ALG6: variants seen among roughly 807,000 people sequenced by gnomAD.
ALG6 encodes ALG6 alpha-1,3-glucosyltransferase, also known as dolichyl pyrophosphate Man9GlcNAc2 alpha-1,3-glucosyltransferase.
Under a neutral mutation model 66.6 loss-of-function variants are expected in ALG6, and 46 were observed. That is an observed-to-expected ratio of 0.69 (90% CI 0.55 to 0.88). The LOEUF (loss-of-function observed/expected upper bound fraction) is 0.88. Among genes scored for constraint, ALG6 ranks in the 40% least tolerant of loss-of-function variants. The pLI is 0.00. For missense variants in ALG6, 505 were observed against 586.8 expected (o/e 0.86, Z 1.44); for synonymous variants, 185 against 203.7 (o/e 0.91, Z 0.78).
At position 63,367,707 on chromosome 1, in the gene ALG6, G is replaced by C. The variant is rs1387762960; in HGVS notation, c.-208+20G>C. 1 of 152,236 alleles carries C rather than the reference G, an allele frequency of 6.6e-6. No individual in the cohort carries two copies. Among genetic ancestry groups the C allele is most frequent in the Non-Finnish European group, 1.5e-5 (1 of 68,082 alleles). The allele number at this position is 152,236 out of a possible 1,614,324, so 9.4% of individuals were successfully genotyped here. A position where few individuals can be genotyped will look rare whatever the true frequency, so the allele number is the denominator to read the frequency against. On this transcript the variant is annotated intron_variant, in intron 1 of 14. Coordinates refer to ENST00000263440, the MANE Select transcript of ALG6 (RefSeq NM_013339.4). Reference sequence around the variant, plus strand: ...GGCGGGGTAAGAGCATGGGATCCCGGAGGTTCCGGACCCCAGGCCAGTGTG... The same window carrying C: ...GGCGGGGTAAGAGCATGGGATCCCGCAGGTTCCGGACCCCAGGCCAGTGTG...
intron 3 of ALG6, among the ~76,000 whole-genome samples, chr1:63,399,191 T>C (rs1644431033): frequency 6.6e-6 from 1 of 152,234 alleles, no homozygotes; most frequent in South Asian, 2.1e-4. Flanking sequence ...TTTGTTGCTA[T>C]GTGGCTTCTC....
At chr1:63,371,327 T>C (rs1647918473) in intron 2 of ALG6, 2 of 423,956 alleles carry the variant, frequency 4.7e-6, no homozygotes, top group South Asian at 4.6e-5. Context: ...TATTAAACAT[T>C]GAAGAGGAAA....
At chr1:63,414,663 T>C (rs976214499) in intron 10 of ALG6, among the ~76,000 whole-genome samples, 20 of 152,234 alleles carry the variant, frequency 1.3e-4, no homozygotes, top group Non-Finnish European at 7.3e-5. Context: ...CCTTGTTCTC[T>C]CCTTGAACAG....
rs950061939 is a variant in ALG6, at chr1:63,438,234, C to G, written c.*1214C>G. 2.0e-5 allele frequency: 3 copies of G among 152,070 alleles called. 1 individual carries two copies. Among genetic ancestry groups the G allele is most frequent in the Non-Finnish European group, 4.4e-5 (3 of 68,018 alleles). The allele number at this position is 152,070 out of a possible 1,614,324, so 9.4% of individuals were successfully genotyped here. A position where few individuals can be genotyped will look rare whatever the true frequency, so the allele number is the denominator to read the frequency against. On this transcript the variant is annotated 3_prime_UTR_variant, in exon 15 of 15. Transcript: ENST00000263440. ...AAGTGGGTTTAGACAAAGCAAAAAT[C>G]TAGAAAGGTTTCTTTCTCAAAGCAA... is the stretch of plus-strand genomic sequence containing the variant.
Position 63,422,273 on chromosome 1 carries a change from A to C in ALG6, c.1058+2833A>C, listed in dbSNP as rs567013078. ...TATATATTTATATAGATATAAATAT[A>C]TATATAAATATATATATTTATATAG... On this transcript the variant is annotated intron_variant, in intron 12 of 14. Transcript: ENST00000263440. 1.4e-3 allele frequency among the ~76,000 whole-genome samples: 75 copies of C among 55,370 alleles called. 2 individuals carry two copies. Among genetic ancestry groups the C allele is most frequent in the Non-Finnish European group, 1.9e-3 (66 of 34,086 alleles). The allele number at this position is 55,370 out of a possible 152,430, so 36.3% of individuals were successfully genotyped here.
intron 12 of ALG6, among the ~76,000 whole-genome samples, chr1:63,420,836 G>C (rs911556702): frequency 1.3e-5 from 2 of 150,758 alleles, no homozygotes; most frequent in Non-Finnish European, 1.5e-5. Flanking sequence ...ACTCCAGCCT[G>C]GGCGACAGAC....
intron 2 of ALG6, among the ~76,000 whole-genome samples, chr1:63,384,387 G>C (rs191599730): frequency 1.8e-4 from 28 of 151,894 alleles, no homozygotes; most frequent in Admixed American, 1.8e-3. Context: ...ATATATTCTG[G>C]TTGTTAATCC....
chr1:63,434,502 G>A (rs1399728738), intron 14 of ALG6, among the ~76,000 whole-genome samples: 1 of 152,170 alleles, frequency 6.6e-6, no homozygotes, highest in Non-Finnish European at 1.5e-5. Context: ...GAAGTACCTG[G>A]ATATATGAGT....
rs1647915385 is a variant in ALG6, at chr1:63,371,209, C to G, written c.82+150C>G. 4.8e-6 allele frequency: 3 copies of G among 631,030 alleles called. No individual in the cohort carries two copies. The Admixed American group carries it at 8.2e-5, about 17-fold the overall frequency. The allele number at this position is 631,030 out of a possible 1,614,324, so 39.1% of individuals were successfully genotyped here. On this transcript the variant is annotated intron_variant, in intron 2 of 14. Transcript: ENST00000263440. ...AGAAAATACATTTAAATGTCCAGTT[C>G]TAATAGAAAGAATATGGATAACAGC...
At chr1:63,419,129 G>A (rs115561079) in intron 11 of ALG6, among the ~76,000 whole-genome samples, 1,801 of 152,098 alleles carry the variant, frequency 0.012, 37 homozygotes, top group African/African-American at 0.039. Flanking sequence ...ATTAATAACT[G>A]AGTTATGATG....
At chr1:63,402,229 GCTTT>G in intron 3 of ALG6, 21 bp from the exon 4 acceptor site, 1 of 1,369,456 alleles carries the variant, frequency 7.3e-7, no homozygotes, top group Non-Finnish European at 1.0e-6. Flanking sequence ...ACGGAATGGT[GCTTT>G]CTTCTTTTTT....
intron 3 of ALG6, 131 bp downstream of exon 3, chr1:63,396,728 T>A (rs1648835836): frequency 1.2e-6 from 1 of 807,576 alleles, no homozygotes; most frequent in Admixed American, 2.1e-5. Flanking sequence ...GCCACATATG[T>A]ATTGCCTTGC....
intron 2 of ALG6, among the ~76,000 whole-genome samples, chr1:63,380,919 A>C (rs1166915163): frequency 6.6e-6 from 1 of 152,246 alleles, no homozygotes; most frequent in South Asian, 2.1e-4. Flanking sequence ...ACTATATAAG[A>C]AAAATATTGT....
At chr1:63,434,328 T>C (rs1263896311) in intron 14 of ALG6, among the ~76,000 whole-genome samples, 5 of 152,186 alleles carry the variant, frequency 3.3e-5, no homozygotes, top group African/African-American at 1.2e-4. Context: ...TCCAAGGTTT[T>C]TGGCATACAT....
chr1:63,407,636 T>A (rs916739527), intron 7 of ALG6, among the ~76,000 whole-genome samples: 2 of 152,050 alleles, frequency 1.3e-5, no homozygotes, highest in Non-Finnish European at 2.9e-5. Context: ...AAAGCTTAGA[T>A]GAGAATAAAT....
chr1:63,434,603 G>GT (rs58056568), intron 14 of ALG6, among the ~76,000 whole-genome samples: 51,446 of 151,962 alleles, frequency 0.34, 8,942 homozygotes, highest in East Asian at 0.48. Flanking sequence ...AAAACCTGGA[G>GT]TTTTTTTGCG....
chr1:63,392,962 T>C (rs907122871), intron 2 of ALG6, among the ~76,000 whole-genome samples: 8 of 152,232 alleles, frequency 5.3e-5, no homozygotes, highest in Non-Finnish European at 1.0e-4. Flanking sequence ...CATTATCCAT[T>C]CTTCTATTTG....
intron 4 of ALG6, among the ~76,000 whole-genome samples, chr1:63,404,035 A>C (rs1281611140): frequency 6.6e-6 from 1 of 152,214 alleles, no homozygotes; most frequent in Admixed American, 6.5e-5. Context: ...AGTTTTATGC[A>C]GTGATTTATG....
chr1:63,387,610 C>T (rs1256272253), intron 2 of ALG6, among the ~76,000 whole-genome samples: 2 of 120,456 alleles, frequency 1.7e-5, no homozygotes, highest in South Asian at 2.9e-4. Flanking sequence ...GGTGTGATCT[C>T]GGCTCACTGC....
Sources: gnomAD v4.1 joint callset for allele counts (sites outside exome capture counted in the v4.1 genomes callset) on GRCh38, gnomAD v4.1.1 for gene constraint, MANE v1.5 for transcripts, NCBI Gene and HGNC (gene_info 2026-07-23, HGNC 2026-07-21) for gene names.